GPKOW: variants seen among roughly 807,000 people sequenced by gnomAD.
The protein encoded by GPKOW is G-patch domain and KOW motifs.
For synonymous variants in GPKOW, 167 were observed against 159.1 expected (o/e 1.05, Z -0.37); for missense variants, 359 against 404.7 (o/e 0.89, Z 0.97).
intron 3 of GPKOW, among the ~76,000 whole-genome samples, chrX:49,121,314 G>T (rs991488289): frequency 9.1e-6 from 1 of 110,488 alleles, no homozygotes; most frequent in East Asian, 2.8e-4. Context: ...TGTAATCCCA[G>T]CTACTTGGGA....
intron 1 of GPKOW, among the ~76,000 whole-genome samples, 182 bp from the exon 2 acceptor site, chrX:49,122,958 C>T (rs1442237186): frequency 8.9e-6 from 1 of 111,949 alleles, no homozygotes. Context: ...CTCCCCAGTG[C>T]CCCCAACTCA....
At chrX:49,114,524 G>T (rs1483655519) in intron 9 of GPKOW, among the ~76,000 whole-genome samples, 1 of 98,880 alleles carries the variant, frequency 1.0e-5, no homozygotes, top group African/African-American at 3.8e-5. Context: ...AGGATGGCTT[G>T]AAACCAGGAA....
intron 9 of GPKOW, among the ~76,000 whole-genome samples, chrX:49,114,477 T>G (rs1379537676): frequency 9.4e-6 from 1 of 106,935 alleles, no homozygotes; most frequent in Non-Finnish European, 1.9e-5. Flanking sequence ...TGGTGGTCAG[T>G]GCCTGCAGTC....
intron 4 of GPKOW, among the ~76,000 whole-genome samples, chrX:49,118,279 A>G (rs909314478): frequency 9.0e-6 from 1 of 111,620 alleles, no homozygotes; most frequent in Non-Finnish European, 1.9e-5. Flanking sequence ...TTTTTGACCT[A>G]CAGAAACAGC....
chrX:49,122,717 C>A lies in GPKOW; in HGVS notation c.236G>T (p.Arg79Leu), dbSNP rs139656078. 137 of 1,207,693 alleles carry A rather than the reference C, an allele frequency of 1.1e-4. No homozygotes were observed. In the East Asian group the frequency reaches 1.7e-3, roughly 15 times the overall value. ...AGGGGGCCGGGCTGGTGGCTGCCTG[C>A]GATGGCCATTCTGGATCAAAGGGAT... ...LVIPLIQNGH[R>L]RQPPARPPGP... Residue 79 changes from arginine (R) to leucine (L), a missense_variant, in exon 2 of 11, where the codon CGC (arginine) becomes CTC (leucine). Coordinates refer to ENST00000156109, the MANE Select transcript of GPKOW (RefSeq NM_015698.6).
In GPKOW at chrX:49,115,704, A is replaced by G. The variant is rs782329173; in HGVS notation, c.1210+22T>C. On this transcript the variant is annotated intron_variant, in intron 9 of 10. Transcript: ENST00000156109. ...AAAACACTCTTCTTGATCAACCTCC[A>G]GCTGCCATCGCTCAAACTCACCTTC... is the stretch of plus-strand genomic sequence containing the variant. The G allele has an allele frequency of 6.6e-5, 77 of 1,173,335 alleles. 1 individual carries two copies. In the South Asian group the frequency reaches 1.2e-3, roughly 19 times the overall value.
chrX:49,117,553 C>G, intron 5 of GPKOW, 44 bp downstream of exon 5: 5 of 975,611 alleles, frequency 5.1e-6, no homozygotes, highest in Non-Finnish European at 7.3e-6. Context: ...GATCAACCTT[C>G]CCTGCTGCCT....
rs1440363310 is a variant in GPKOW at position 49,115,695 on chromosome X, T to C, written c.1210+31A>G. 12 of 1,158,670 alleles carry C rather than the reference T, an allele frequency of 1.0e-5. No homozygotes were observed. The East Asian group carries it at 3.6e-4, about 34-fold the overall frequency. Reference sequence around the variant, plus strand: ...TCTGGGCCTAAAACACTCTTCTTGATCAACCTCCAGCTGCCATCGCTCAAA... The same window carrying C: ...TCTGGGCCTAAAACACTCTTCTTGACCAACCTCCAGCTGCCATCGCTCAAA... On this transcript the variant is annotated intron_variant, in intron 9 of 10. Coordinates refer to ENST00000156109, the MANE Select transcript of GPKOW (RefSeq NM_015698.6).
intron 9 of GPKOW, among the ~76,000 whole-genome samples, chrX:49,115,506 C>CAAAAAAA (rs1207694625): frequency 2.3e-4 from 2 of 8,844 alleles, no homozygotes; most frequent in East Asian, 4.5e-3. Context: ...GACTCTGTCT[C>CAAAAAAA]AAAAAAAAAA....
intron 4 of GPKOW, 111 bp from the exon 5 acceptor site, chrX:49,117,921 TC>T: frequency 2.2e-6 from 1 of 464,188 alleles, no homozygotes; most frequent in East Asian, 3.9e-5. Context: ...CATTTTCTTT[TC>T]TTTTCTTTTT....
At chrX:49,122,282 G>A in intron 3 of GPKOW, 116 bp downstream of exon 3, 2 of 547,926 alleles carry the variant, frequency 3.7e-6, no homozygotes, top group East Asian at 8.1e-5. Flanking sequence ...CAGGAGAAGG[G>A]GCAGGTGGCG....
chrX:49,116,350 G>C (rs782017599), intron 6 of GPKOW, 27 bp from the exon 7 acceptor site: 8 of 973,649 alleles, frequency 8.2e-6, no homozygotes, highest in African/African-American at 2.0e-5. Context: ...TGCTCATCTG[G>C]CCTGTTCAAG....
intron 3 of GPKOW, among the ~76,000 whole-genome samples, chrX:49,120,345 G>C (rs1227309807): frequency 1.8e-5 from 2 of 111,517 alleles, no homozygotes; most frequent in African/African-American, 6.5e-5. Context: ...ATGTGTGAGG[G>C]GTATCATGAA....
rs1557091318 is a variant in GPKOW, at chrX:49,122,748, G to C, written c.205C>G (p.Leu69Val). Reference protein sequence around the residue: ...SVKPQEAPKELVIPLIQNGHR... With the variant: ...SVKPQEAPKEVVIPLIQNGHR... ...CCATTCTGGATCAAAGGGATGACGA[G>C]TTCCTTGGGGGCCTCCTGGGGCTTC... Residue 69 changes from leucine (L) to valine (V), a missense_variant, in exon 2 of 11, where the codon CTC becomes GTC. Physicochemically the swap from Leu to Val is conservative, Grantham distance 32 (BLOSUM62 1). Coordinates refer to ENST00000156109, the MANE Select transcript of GPKOW (RefSeq NM_015698.6). The C allele has an allele frequency of 4.1e-6, 5 of 1,210,262 alleles. No individual in the cohort carries two copies. In the South Asian group the frequency reaches 8.8e-5, roughly 21 times the overall value.
At chrX:49,117,563 T>C in intron 5 of GPKOW, 34 bp downstream of exon 5, 1 of 1,045,976 alleles carries the variant, frequency 9.6e-7, no homozygotes, top group Non-Finnish European at 1.3e-6. Context: ...CCCTGCTGCC[T>C]GTTTTGGGCT....
chrX:49,117,588 G>C lies in GPKOW; in HGVS notation c.780+9C>G. ...TGTTTTGGGCTCCCGGGATATCTTG[G>C]TTCCTTACCTTCCCATAGAGGCCTC... On this transcript the variant is annotated intron_variant, in intron 5 of 10. Transcript: ENST00000156109. 4 of 1,184,973 alleles carry C rather than the reference G, an allele frequency of 3.4e-6. No individual in the cohort carries two copies. The highest frequency in any genetic ancestry group is 4.6e-6 in the Non-Finnish European group (4 of 871,341).
At chrX:49,120,822 C>A (rs782349809) in intron 3 of GPKOW, among the ~76,000 whole-genome samples, 30 of 110,387 alleles carry the variant, frequency 2.7e-4, no homozygotes, top group African/African-American at 9.2e-4. Flanking sequence ...TGCCACCATG[C>A]CCAGCTAATT....
Position 49,115,895 on chromosome X carries a change from G to T in GPKOW, c.1136C>A (p.Thr379Asn). The T allele has an allele frequency of 8.3e-7, 1 of 1,210,866 alleles. No homozygotes were observed. Among genetic ancestry groups the T allele is most frequent in the Middle Eastern group, 2.3e-4 (1 of 4,348 alleles). The change falls in exon 8 of 11, where the codon ACC becomes AAC. Residue 379 changes from threonine to asparagine, a missense_variant. Physicochemically the swap from Thr to Asn is moderately conservative, Grantham distance 65 (BLOSUM62 0). Coordinates refer to ENST00000156109, the MANE Select transcript of GPKOW (RefSeq NM_015698.6). ...NMYKGGQYYN[T>N]KMIIEDVLSP... ...CTCAGGCTGCAGGGTTCCCACCTTGGTGTTGTAATATTGGCCTCCTTTGTA... is the reference window on the plus strand; with the variant it reads ...CTCAGGCTGCAGGGTTCCCACCTTGTTGTTGTAATATTGGCCTCCTTTGTA...
chrX:49,122,510 G>A lies in GPKOW; in HGVS notation c.344C>T (p.Ser115Phe). 1 of 1,208,098 alleles carries A rather than the reference G, an allele frequency of 8.3e-7. No homozygotes were observed. The highest frequency in any genetic ancestry group is 1.1e-6 in the Non-Finnish European group (1 of 893,575). Residue 115 changes from serine to phenylalanine, a missense_variant, in exon 3 of 11, where the codon TCT becomes TTT. Coordinates refer to ENST00000156109, the MANE Select transcript of GPKOW (RefSeq NM_015698.6). ...ACCCGCATTCTCTCTCTCTTCCAGA[G>A]ACTTCTTGGATTCTAAAGGAAGAAT... ...VKELIAESKK[S>F]LEERENAGVD...
Sources: gnomAD v4.1 joint callset for allele counts (sites outside exome capture counted in the v4.1 genomes callset) on GRCh38, gnomAD v4.1.1 for gene constraint, MANE v1.5 for transcripts, NCBI Gene and HGNC (gene_info 2026-07-23, HGNC 2026-07-21) for gene names.